Variants in CNPY3 observed in about 807,000 individuals in gnomAD.
CNPY3 encodes the protein canopy FGF signaling regulator 3.
Under a neutral mutation model 32.0 loss-of-function variants are expected in CNPY3, and 20 were observed. That is an observed-to-expected ratio of 0.63 (90% confidence interval 0.44 to 0.91). CNPY3 has a LOEUF of 0.91. Among genes scored for constraint, CNPY3 ranks in the 40% least tolerant of loss-of-function variants. The pLI, the probability that CNPY3 is intolerant of heterozygous loss-of-function variation, is 0.00. For missense variants in CNPY3, 299 were observed against 340.8 expected, an observed-to-expected ratio of 0.88 and a Z score of 0.97; for synonymous variants, 138 against 142.9, an observed-to-expected ratio of 0.97 and a Z score of 0.24.
At chr6:42,928,678 A>G (rs961898240), upstream of CNPY3, among the ~76,000 whole-genome samples, 7 of 152,212 alleles carry the variant, frequency 4.6e-5, no homozygotes, top group Non-Finnish European at 1.0e-4. Flanking sequence ...ACAATCGTTA[A>G]TCGGCTAAAT....
chr6:42,929,408 A>G (rs1310044794), upstream of CNPY3: 10 of 761,744 alleles, frequency 1.3e-5, no homozygotes, highest in African/African-American at 1.8e-4. Context: ...TCCGCTTTGA[A>G]GGCGGGCTGC....
At chr6:42,932,804 T>C (rs997370830) in intron 1 of CNPY3, among the ~76,000 whole-genome samples, 1 of 152,174 alleles carries the variant, frequency 6.6e-6, no homozygotes, top group Admixed American at 6.5e-5. Context: ...AGCCATTGAT[T>C]AATTTCACCA....
At chr6:42,929,457 C>G (rs1483291626), upstream of CNPY3, 17 of 1,129,484 alleles carry the variant, frequency 1.5e-5, no homozygotes, top group Non-Finnish European at 2.0e-5. Context: ...TAGCTGTTGT[C>G]GTGGTTGCTC....
upstream of CNPY3, chr6:42,929,415 C>T (rs545966732): frequency 2.5e-6 from 2 of 797,934 alleles, no homozygotes; most frequent in African/African-American, 3.5e-5. Context: ...TGAAGGCGGG[C>T]TGCGGCTGCG....
In CNPY3 at chr6:42,938,655, A is replaced by G; in HGVS notation, c.701A>G (p.Lys234Arg). 2 of 1,613,144 alleles carry G rather than the reference A, an allele frequency of 1.2e-6. No individual in the cohort carries two copies. The highest frequency in any genetic ancestry group is 1.7e-6 in the Non-Finnish European group (2 of 1,179,590). The change falls in exon 6 of 6, where the codon AAG (lysine) becomes AGG (arginine). Residue 234 changes from lysine (K) to arginine (R), a missense_variant. Around this residue, in one of 2 missense-constraint regions of CNPY3, gnomAD observed 211 missense variants for 278.3 expected, o/e 0.76. Transcript: ENST00000372836. ...TCCAAGAAGAAGAGCAGCAGGGCCA[A>G]GGCAGCAGGCGGCAGGAGTAGCAGC... is the stretch of plus-strand genomic sequence containing the variant. ...KKSKKKSSRA[K>R]AAGGRSSSSK...
In CNPY3 at chr6:42,939,119, C is replaced by G; in HGVS notation, c.*328C>G. On this transcript the variant is annotated 3_prime_UTR_variant, in exon 6 of 6. Coordinates refer to ENST00000372836, the MANE Select transcript of CNPY3 (RefSeq NM_006586.5). ...CAGGACTGGAGCCCCCTCCGGAGAC[C>G]AAACTCACCATCCCTCAGTCCTCCC... The G allele has an allele frequency of 2.7e-6, 3 of 1,121,206 alleles. No homozygotes were observed. The highest frequency in any genetic ancestry group is 2.2e-6 in the Non-Finnish European group (2 of 916,238). The allele number at this position is 1,121,206 out of a possible 1,614,324, so 69.5% of individuals were successfully genotyped here.
intron 1 of CNPY3, among the ~76,000 whole-genome samples, chr6:42,933,674 A>T (rs1270425870): frequency 3.9e-5 from 6 of 152,096 alleles, no homozygotes; most frequent in African/African-American, 1.2e-4. Context: ...TTCTCAGGAG[A>T]TACATGATGA....
Position 42,932,653 on chromosome 6 carries a change from C to T in CNPY3, c.152-1822C>T, listed in dbSNP as rs917085728. Among the ~76,000 whole-genome samples, 10 of 152,170 alleles carry T rather than the reference C, an allele frequency of 6.6e-5. No homozygotes were observed. The South Asian group carries it at 1.7e-3, about 25-fold the overall frequency. On this transcript the variant is annotated intron_variant, in intron 1 of 5. Coordinates refer to ENST00000372836, the MANE Select transcript of CNPY3 (RefSeq NM_006586.5). ...TGGTGCTAGAAAAATGATGTGCCTGCACAGAGTACAGGACAGAAGAGGGGA... is the reference window on the plus strand; with the variant it reads ...TGGTGCTAGAAAAATGATGTGCCTGTACAGAGTACAGGACAGAAGAGGGGA...
chr6:42,929,592 G>T lies in CNPY3; in HGVS notation c.22G>T (p.Ala8Ser), dbSNP rs534665673. ...GGCCATGGATTCAATGCCTGAGCCC[G>T]CGTCCCGCTGTCTTCTGCTTCTTCC... Reference protein sequence around the residue: MDSMPEPASRCLLLLPLL... With the variant: MDSMPEPSSRCLLLLPLL... The change falls in exon 1 of 6, where the codon GCG (alanine) becomes TCG (serine). Residue 8 changes from alanine (A) to serine (S), a missense_variant. Coordinates refer to ENST00000372836, the MANE Select transcript of CNPY3 (RefSeq NM_006586.5). 3.8e-6 allele frequency: 6 copies of T among 1,573,742 alleles called. No homozygotes were observed. In the African/African-American group the frequency reaches 6.7e-5, roughly 18 times the overall value.
At chr6:42,935,529 G>A in intron 2 of CNPY3, 45 bp from the exon 3 acceptor site, 1 of 1,584,544 alleles carries the variant, frequency 6.3e-7, no homozygotes, top group Non-Finnish European at 8.6e-7. Context: ...CTAACCCACT[G>A]CGGCTAGGAG....
At position 42,939,068 on chromosome 6, in the gene CNPY3, G is replaced by A. The variant is rs935187451; in HGVS notation, c.*277G>A. 2 of 1,227,734 alleles carry A rather than the reference G, an allele frequency of 1.6e-6. No individual in the cohort carries two copies. The highest frequency in any genetic ancestry group is 1.0e-6 in the Non-Finnish European group (1 of 981,094). The allele number at this position is 1,227,734 out of a possible 1,614,324, so 76.1% of individuals were successfully genotyped here. On this transcript the variant is annotated 3_prime_UTR_variant, in exon 6 of 6. Transcript: ENST00000372836. ...TGCAAGGACTCCAGTGTGAACTCAG[G>A]AGGGGCAGGTGTCAGAACTGGGCAC...
chr6:42,934,692 C>CA, intron 2 of CNPY3, 94 bp downstream of exon 2: 1 of 1,541,278 alleles, frequency 6.5e-7, no homozygotes, highest in Non-Finnish European at 8.8e-7. Flanking sequence ...AAACCCCCTA[C>CA]AAGGGCATCA....
upstream of CNPY3, among the ~76,000 whole-genome samples, chr6:42,928,328 G>GT (rs1020865623): frequency 8.7e-5 from 13 of 150,102 alleles, no homozygotes; most frequent in African/African-American, 2.0e-4. Flanking sequence ...TTTTGAGATG[G>GT]GGGGGGTGTC....
intron 1 of CNPY3, among the ~76,000 whole-genome samples, chr6:42,929,978 T>C (rs1003306006): frequency 8.1e-6 from 1 of 123,212 alleles, no homozygotes; most frequent in Admixed American, 8.9e-5. Flanking sequence ...AGCTTCCTTT[T>C]GGGGGCCGGA....
chr6:42,935,704 G>A (rs369185039), intron 3 of CNPY3, 34 bp downstream of exon 3: 11 of 1,593,792 alleles, frequency 6.9e-6, no homozygotes, highest in Non-Finnish European at 9.5e-6. Flanking sequence ...TCCGCTCTGG[G>A]GTCAGGCCTG....
In CNPY3 at chr6:42,929,785, C is replaced by T. The variant is rs1173442550; in HGVS notation, c.151+64C>T. 4.0e-6 allele frequency: 6 copies of T among 1,489,778 alleles called. No homozygotes were observed. The East Asian group carries it at 1.0e-4, about 25-fold the overall frequency. The allele number at this position is 1,489,778 out of a possible 1,614,324, so 92.3% of individuals were successfully genotyped here. A position where few individuals can be genotyped will look rare whatever the true frequency, so the allele number is the denominator to read the frequency against. The stretch of plus-strand genomic sequence containing the variant: ...GGGCTGGCTCCAGCGGTGGTGCTTG[C>T]GGAGCAGCGTCGGGGGTTGCAAGGT... On this transcript the variant is annotated intron_variant, in intron 1 of 5. Coordinates refer to ENST00000372836, the MANE Select transcript of CNPY3 (RefSeq NM_006586.5).
rs1293268326 is a variant in CNPY3, at chr6:42,929,653, C to G, written c.83C>G (p.Pro28Arg). 11 of 1,553,410 alleles carry G rather than the reference C, an allele frequency of 7.1e-6. No homozygotes were observed. The East Asian group carries it at 1.7e-4, about 24-fold the overall frequency. Reference protein sequence around the residue: ...LLLLLLLLPAPELGPSQAGAE... With the variant: ...LLLLLLLLPARELGPSQAGAE... ...CTGCTGCTGCTGCTGCTGCCGGCCCCGGAGCTGGGCCCGAGCCAGGCCGGA... is the reference window on the plus strand; with the variant it reads ...CTGCTGCTGCTGCTGCTGCCGGCCCGGGAGCTGGGCCCGAGCCAGGCCGGA... Residue 28 changes from proline to arginine, a missense_variant, in exon 1 of 6, where the codon CCG (proline) becomes CGG (arginine). By Grantham distance (103) the Pro-to-Arg change is moderately radical (BLOSUM62 -2). Around this residue, in one of 2 missense-constraint regions of CNPY3, gnomAD observed 88 missense variants for 62.5 expected, o/e 1.41. Coordinates refer to ENST00000372836, the MANE Select transcript of CNPY3 (RefSeq NM_006586.5).
At chr6:42,937,905 GC>G in intron 4 of CNPY3, 66 bp downstream of exon 4, 1 of 1,599,944 alleles carries the variant, frequency 6.3e-7, no homozygotes, top group Non-Finnish European at 8.5e-7. Flanking sequence ...GATTGGGTCT[GC>G]TCTGAGGAAG....
At chr6:42,937,532 T>G (rs1768316600) in intron 3 of CNPY3, among the ~76,000 whole-genome samples, 185 bp from the exon 4 acceptor site, 1 of 151,834 alleles carries the variant, frequency 6.6e-6, no homozygotes, top group Non-Finnish European at 1.5e-5. Context: ...AGGCAGAGGT[T>G]GCAGTGAGCT....
Sources: gnomAD v4.1 joint callset for allele counts (sites outside exome capture counted in the v4.1 genomes callset) on GRCh38, gnomAD v4.1.1 for gene constraint, gnomAD v4.1.1 regional missense constraint, MANE v1.5 for transcripts, NCBI Gene and HGNC (gene_info 2026-07-23, HGNC 2026-07-21) for gene names.